Variants in PROCR observed in about 807,000 individuals in gnomAD.
PROCR encodes the protein protein C receptor, also known as endothelial protein C receptor.
A neutral mutation model predicts 24.2 loss-of-function variants in PROCR; 22 were observed. The observed-to-expected ratio is 0.91, with a 90% CI of 0.65 to 1.30. The LOEUF (loss-of-function observed/expected upper bound fraction) is 1.30. PROCR is among the 50% of genes most tolerant of loss of function. The probability of loss-of-function intolerance (pLI) is 0.00; values close to 1 mark genes in which losing one functional copy is unlikely to be tolerated. For synonymous variants in PROCR, 137 were observed against 139.2 expected (o/e 0.98, Z 0.11); for missense variants, 288 against 307.7 (o/e 0.94, Z 0.48).
intron 1 of PROCR, among the ~76,000 whole-genome samples, chr20:35,208,955 C>T (rs1286873267): frequency 1.3e-5 from 2 of 152,088 alleles, no homozygotes; most frequent in Non-Finnish European, 2.9e-5. Context: ...CTGGGTGATA[C>T]AGCAAGACTC....
intron 1 of PROCR, among the ~76,000 whole-genome samples, chr20:35,193,583 T>G (rs1053575784): frequency 6.6e-6 from 1 of 152,194 alleles, no homozygotes; most frequent in Non-Finnish European, 1.5e-5. Context: ...GTGTTATGCC[T>G]CAATAAAGTT....
At chr20:35,186,913 A>G (rs1235105177) in intron 1 of PROCR, among the ~76,000 whole-genome samples, 6 of 151,800 alleles carry the variant, frequency 4.0e-5, no homozygotes, top group Admixed American at 2.0e-4. Flanking sequence ...AGATTGCGCC[A>G]CTGCACTCCA....
chr20:35,186,096 T>C (rs910430962), intron 1 of PROCR, among the ~76,000 whole-genome samples: 1 of 152,176 alleles, frequency 6.6e-6, no homozygotes, highest in African/African-American at 2.4e-5. Context: ...CATACATCCA[T>C]GCAAATACTT....
downstream of PROCR, among the ~76,000 whole-genome samples, chr20:35,178,584 C>T (rs113764489): frequency 0.2 from 13,406 of 68,236 alleles, 1,400 homozygotes; most frequent in East Asian, 0.3. Context: ...GGCGGGATCT[C>T]GGCTCACTGC....
At chr20:35,193,833 C>G (rs1025694410) in intron 1 of PROCR, among the ~76,000 whole-genome samples, 1 of 152,148 alleles carries the variant, frequency 6.6e-6, no homozygotes. Context: ...TGAGAGCTCA[C>G]TATATAGATA....
At chr20:35,191,555 A>G (rs188751864) in intron 1 of PROCR, among the ~76,000 whole-genome samples, 1 of 152,210 alleles carries the variant, frequency 6.6e-6, no homozygotes, top group Non-Finnish European at 1.5e-5. Flanking sequence ...TGTTTTAGAC[A>G]GCATAATCAG....
chr20:35,188,471 T>C (rs1018208184), intron 1 of PROCR, among the ~76,000 whole-genome samples: 1 of 152,156 alleles, frequency 6.6e-6, no homozygotes, highest in Non-Finnish European at 1.5e-5. Context: ...TAGACTAAGA[T>C]CTTTGAGGGC....
chr20:35,171,153 G>A (rs1456532914), upstream of PROCR, among the ~76,000 whole-genome samples: 1 of 151,966 alleles, frequency 6.6e-6, no homozygotes, highest in Admixed American at 6.6e-5. Context: ...TGCCCACCTC[G>A]GCCTCCCAAA....
At chr20:35,173,528 C>T (rs2085972879) in intron 1 of PROCR, among the ~76,000 whole-genome samples, 1 of 143,536 alleles carries the variant, frequency 7.0e-6, no homozygotes, top group South Asian at 2.2e-4. Flanking sequence ...CTCCCAGGTT[C>T]AGGCGATTCT....
At chr20:35,196,916 A>C (rs2086220854) in intron 1 of PROCR, among the ~76,000 whole-genome samples, 1 of 152,228 alleles carries the variant, frequency 6.6e-6, no homozygotes, top group African/African-American at 2.4e-5. Context: ...TGTCATGGAT[A>C]GGACAATTAT....
At chr20:35,195,161 T>C (rs1317542988) in intron 1 of PROCR, 3 of 152,104 alleles carry the variant, frequency 2.0e-5, no homozygotes, top group Non-Finnish European at 4.4e-5. Context: ...AAATAGAAAT[T>C]ATGTGAAGTA....
chr20:35,195,112 A>G (rs2086204718), intron 1 of PROCR, among the ~76,000 whole-genome samples: 1 of 152,238 alleles, frequency 6.6e-6, no homozygotes, highest in African/African-American at 2.4e-5. Context: ...AGAAAGGTAG[A>G]AGTTCTTAGC....
chr20:35,212,314 T>C (rs554992395), intron 1 of PROCR, among the ~76,000 whole-genome samples: 109 of 152,340 alleles, frequency 7.2e-4, no homozygotes, highest in African/African-American at 2.6e-3. Context: ...ACCTGCTTCA[T>C]GGACTTGTGA....
chr20:35,187,783 A>C (rs2086140848), intron 1 of PROCR, among the ~76,000 whole-genome samples: 1 of 152,168 alleles, frequency 6.6e-6, no homozygotes, highest in South Asian at 2.1e-4. Flanking sequence ...CCTCTCTGAG[A>C]GGGAGTTTGT....
Position 35,172,078 on chromosome 20 carries a change from C to G in PROCR, c.-77C>G. 3 of 1,438,912 alleles carry G rather than the reference C, an allele frequency of 2.1e-6. No homozygotes were observed. In the Admixed American group the frequency reaches 5.0e-5, roughly 24 times the overall value. 89.1% of individuals were successfully genotyped at this position (1,438,912 alleles called of 1,614,324 possible). A position where few individuals can be genotyped will look rare whatever the true frequency, so the allele number is the denominator to read the frequency against. The stretch of plus-strand genomic sequence containing the variant: ...CCCCTCCCAGACGGTCCTCACTTCT[C>G]TTTTCCCTAGACTGCAGCCAGCGGA... On this transcript the variant is annotated 5_prime_UTR_variant, in exon 1 of 4. Transcript: ENST00000216968.
Position 35,176,679 on chromosome 20 carries a change from C to T in PROCR, c.602-19C>T. The T allele has an allele frequency of 6.3e-7, 1 of 1,597,852 alleles. No homozygotes were observed. Among genetic ancestry groups the T allele is most frequent in the Non-Finnish European group, 8.5e-7 (1 of 1,171,508 alleles). Reference sequence around the variant, plus strand: ...CTTGGGGGCCTATTCTTCGGGCTAACTCTTTGCATGTTCTGCAGGGAGCCA... The same window carrying T: ...CTTGGGGGCCTATTCTTCGGGCTAATTCTTTGCATGTTCTGCAGGGAGCCA... On this transcript the variant is annotated intron_variant, in intron 3 of 3. Transcript: ENST00000216968.
downstream of PROCR, among the ~76,000 whole-genome samples, chr20:35,178,708 G>A (rs2086050432): frequency 2.9e-5 from 4 of 138,232 alleles, no homozygotes; most frequent in African/African-American, 1.1e-4. Context: ...GTAGAGACGG[G>A]GTTTCACCAT....
At chr20:35,199,375 T>G (rs1306290790) in intron 1 of PROCR, among the ~76,000 whole-genome samples, 1 of 152,174 alleles carries the variant, frequency 6.6e-6, no homozygotes, top group Non-Finnish European at 1.5e-5. Context: ...ACAAGGAGAT[T>G]CAGGTTGTTT....
At chr20:35,212,031 A>AG (rs1401212235) in intron 1 of PROCR, among the ~76,000 whole-genome samples, 1 of 152,102 alleles carries the variant, frequency 6.6e-6, no homozygotes, top group Non-Finnish European at 1.5e-5. Flanking sequence ...AAAAAAAAAA[A>AG]CAAACACTGT....
Sources: allele counts gnomAD v4.1 joint callset (sites outside exome capture counted in the v4.1 genomes callset), GRCh38; gene constraint gnomAD v4.1.1; transcripts MANE v1.5; gene names NCBI Gene and HGNC (gene_info 2026-07-23, HGNC 2026-07-21).